The following RBMS3 variants were observed in gnomAD, a reference collection of about 807,000 sequenced individuals.
RBMS3 encodes the protein RNA binding motif single stranded interacting protein 3, also known as RNA-binding motif, single-stranded-interacting protein 3.
In RBMS3, 27 loss-of-function variants were observed where a neutral mutation model predicts 66.8. The observed-to-expected ratio is 0.40, with a 90% CI of 0.30 to 0.56. RBMS3 has a LOEUF of 0.56. Among genes scored for constraint, RBMS3 ranks in the 20% least tolerant of loss-of-function variants. RBMS3 has a pLI of 0.40. For synonymous variants in RBMS3, 188 were observed against 183.0 expected (o/e 1.03, Z -0.22); for missense variants, 513 against 549.5 (o/e 0.93, Z 0.66).
chr3:29,624,951 G>A (rs2049006396), intron 4 of RBMS3, among the ~76,000 whole-genome samples: 1 of 152,104 alleles, frequency 6.6e-6, no homozygotes, highest in Non-Finnish European at 1.5e-5. Flanking sequence ...CCTATGTGTT[G>A]AGGGAGAGAC....
intron 1 of RBMS3, among the ~76,000 whole-genome samples, chr3:29,291,029 A>T (rs1184429614): frequency 6.6e-6 from 1 of 151,926 alleles, no homozygotes; most frequent in Non-Finnish European, 1.5e-5. Flanking sequence ...GCATACATGA[A>T]TATTCTTGCG....
chr3:29,524,219 C>T (rs893400061), intron 3 of RBMS3, among the ~76,000 whole-genome samples: 1 of 148,252 alleles, frequency 6.7e-6, no homozygotes, highest in Non-Finnish European at 1.5e-5. Context: ...GGGATTTGAA[C>T]TGGTATCTGT....
chr3:29,954,328 C>T (rs1293710541), intron 12 of RBMS3, among the ~76,000 whole-genome samples: 1 of 151,834 alleles, frequency 6.6e-6, no homozygotes, highest in African/African-American at 2.4e-5. Context: ...TCTTACCTGG[C>T]CCATTTATAG....
At chr3:29,525,484 T>C (rs767421747) in intron 3 of RBMS3, among the ~76,000 whole-genome samples, 2 of 152,172 alleles carry the variant, frequency 1.3e-5, no homozygotes, top group Admixed American at 6.5e-5. Flanking sequence ...TTGCACAGAA[T>C]AGGGAGCAGT....
At chr3:29,746,402 A>G (rs949532008) in intron 5 of RBMS3, among the ~76,000 whole-genome samples, 1 of 152,230 alleles carries the variant, frequency 6.6e-6, no homozygotes, top group African/African-American at 2.4e-5. Flanking sequence ...TCTCCAAACT[A>G]CAGCTGTGTT....
chr3:29,366,902 T>G (rs1559521955), intron 1 of RBMS3, among the ~76,000 whole-genome samples: 1 of 152,170 alleles, frequency 6.6e-6, no homozygotes, highest in Non-Finnish European at 1.5e-5. Flanking sequence ...CAGTCTCTAA[T>G]AGAAAAGCAT....
intron 5 of RBMS3, among the ~76,000 whole-genome samples, chr3:29,749,189 C>A (rs2055065184): frequency 6.6e-6 from 1 of 152,134 alleles, no homozygotes; most frequent in Non-Finnish European, 1.5e-5. Context: ...GAAAATTAAA[C>A]CCTTGTCCTT....
At chr3:29,925,655 G>T (rs1048904751) in intron 10 of RBMS3, among the ~76,000 whole-genome samples, 1 of 152,214 alleles carries the variant, frequency 6.6e-6, no homozygotes, top group African/African-American at 2.4e-5. Flanking sequence ...CAATGTAATA[G>T]AAAATTCACT....
intron 3 of RBMS3, among the ~76,000 whole-genome samples, chr3:29,493,369 C>G (rs140572826): frequency 7.6e-4 from 116 of 152,250 alleles, no homozygotes; most frequent in African/African-American, 2.6e-3. Flanking sequence ...GCTGTGTGAC[C>G]TGTGGTAAAT....
intron 14 of RBMS3, among the ~76,000 whole-genome samples, chr3:30,003,562 T>A (rs1285225307): frequency 4.6e-5 from 7 of 152,150 alleles, no homozygotes; most frequent in African/African-American, 1.7e-4. Context: ...TAGTGATGAT[T>A]CCTATAGTAG....
At chr3:29,674,469 C>T (rs973688982) in intron 4 of RBMS3, among the ~76,000 whole-genome samples, 14 of 151,892 alleles carry the variant, frequency 9.2e-5, no homozygotes, top group African/African-American at 2.4e-4. Flanking sequence ...AAATTGTCCC[C>T]GTTTGCAGAT....
intron 4 of RBMS3, among the ~76,000 whole-genome samples, chr3:29,711,693 T>C (rs1056045806): frequency 6.6e-6 from 1 of 152,172 alleles, no homozygotes; most frequent in Non-Finnish European, 1.5e-5. Context: ...GGTCACTTTC[T>C]TCCCATGGCT....
At chr3:29,841,953 T>A (rs1238766512) in intron 6 of RBMS3, among the ~76,000 whole-genome samples, 2 of 152,120 alleles carry the variant, frequency 1.3e-5, no homozygotes, top group African/African-American at 4.8e-5. Context: ...TAGTAATTAC[T>A]TGTCTTTTTC....
intron 6 of RBMS3, among the ~76,000 whole-genome samples, chr3:29,858,246 A>C (rs2059129515): frequency 1.3e-5 from 2 of 152,160 alleles, no homozygotes; most frequent in South Asian, 4.2e-4. Flanking sequence ...CTGCACTGTA[A>C]GATTATAGTG....
intron 10 of RBMS3, among the ~76,000 whole-genome samples, chr3:29,906,835 A>G (rs2060391840): frequency 6.6e-6 from 1 of 152,100 alleles, no homozygotes; most frequent in African/African-American, 2.4e-5. Context: ...ACAAACATGC[A>G]TGCATACAAT....
intron 1 of RBMS3, among the ~76,000 whole-genome samples, chr3:29,387,546 C>T (rs955728104): frequency 1.3e-5 from 2 of 152,066 alleles, no homozygotes; most frequent in African/African-American, 4.8e-5. Context: ...AACAGCTAAA[C>T]CTGCTTATAT....
At chr3:29,345,425 G>A (rs1052936739) in intron 1 of RBMS3, among the ~76,000 whole-genome samples, 2 of 152,078 alleles carry the variant, frequency 1.3e-5, no homozygotes, top group African/African-American at 4.8e-5. Context: ...TTTAAAAGGA[G>A]GAGGATTTTT....
chr3:29,767,279 A>T (rs2149389284), intron 6 of RBMS3: 1 of 152,088 alleles, frequency 6.6e-6, no homozygotes, highest in East Asian at 1.9e-4. Flanking sequence ...AAAAAAATAA[A>T]TCATGTTTTG....
intron 10 of RBMS3, among the ~76,000 whole-genome samples, chr3:29,933,127 T>C (rs1271009488): frequency 1.3e-5 from 2 of 152,152 alleles, no homozygotes; most frequent in African/African-American, 4.8e-5. Flanking sequence ...AGACACCACA[T>C]CCTATACATC....
Sources: allele counts gnomAD v4.1 joint callset (sites outside exome capture counted in the v4.1 genomes callset), GRCh38; gene constraint gnomAD v4.1.1; transcripts MANE v1.5; gene names NCBI Gene and HGNC (gene_info 2026-07-23, HGNC 2026-07-21).